The following LRRC4C variants were observed in gnomAD, a reference collection of about 807,000 sequenced individuals.
LRRC4C encodes leucine rich repeat containing 4C.
A neutral mutation model predicts 33.6 loss-of-function variants in LRRC4C; 5 were observed. That is an observed-to-expected ratio of 0.15 (90% CI 0.08 to 0.31). LRRC4C has a LOEUF of 0.31. LRRC4C is among the 10% of genes least tolerant of loss of function. The probability of loss-of-function intolerance (pLI) is 1.00; values close to 1 mark genes in which losing one functional copy is unlikely to be tolerated. For synonymous variants in LRRC4C, 329 were observed against 302.0 expected (o/e 1.09, Z -0.93); for missense variants, 560 against 796.7 (o/e 0.70, Z 3.58).
At chr11:41,002,022 G>A (rs990294254) in intron 1 of LRRC4C, among the ~76,000 whole-genome samples, 29 of 152,192 alleles carry the variant, frequency 1.9e-4, no homozygotes, top group African/African-American at 6.5e-4. Context: ...CTTTATTTTA[G>A]TTTTTCCATA....
intron 5 of LRRC4C, among the ~76,000 whole-genome samples, chr11:40,157,380 A>C (rs999305638): frequency 1.6e-4 from 25 of 152,174 alleles, no homozygotes; most frequent in African/African-American, 6.0e-4. Context: ...AACCCCCCAA[A>C]AATGCAATAA....
At position 40,115,201 on chromosome 11, in the gene LRRC4C, A is replaced by G. The variant is rs369272930; in HGVS notation, c.1092T>C (p.Asn364=). The change falls in exon 7 of 7, where the codon AAT becomes AAC. Residue 364 remains asparagine (N), a synonymous_variant. Coordinates refer to ENST00000528697, the MANE Select transcript of LRRC4C (RefSeq NM_001258419.2). This position sits in a 1 kb window ranked among gnomAD's most constrained non-coding sequence, Gnocchi z 6.7. ...GCTCAGCTGCCATGCCTTCAGTGAC[A>G]TTGAGGTCTGCAGGGGGCTCCACAA... ...PVIVEPPADL[N]VTEGMAAELK... 6 of 1,614,056 alleles carry G rather than the reference A, an allele frequency of 3.7e-6. No individual in the cohort carries two copies. Among genetic ancestry groups the G allele is most frequent in the Admixed American group, 3.3e-5 (2 of 60,002 alleles).
At chr11:40,772,942 A>T (rs558043960) in intron 2 of LRRC4C, among the ~76,000 whole-genome samples, 11 of 152,352 alleles carry the variant, frequency 7.2e-5, no homozygotes, top group African/African-American at 2.6e-4. Context: ...AAGATTTGGA[A>T]GCAACCTAAG....
At chr11:40,450,902 TC>T (rs1425767868) in intron 3 of LRRC4C, among the ~76,000 whole-genome samples, 2 of 151,780 alleles carry the variant, frequency 1.3e-5, no homozygotes, top group Non-Finnish European at 2.9e-5. Context: ...ACAATACACT[TC>T]TACGGAACTA....
At chr11:41,126,012 T>C (rs1050417637) in intron 1 of LRRC4C, among the ~76,000 whole-genome samples, 3 of 151,764 alleles carry the variant, frequency 2.0e-5, no homozygotes, top group East Asian at 1.9e-4. Context: ...CAATTGAAAG[T>C]AGAAAGTAGA....
chr11:40,777,412 G>A (rs958074063), intron 2 of LRRC4C, among the ~76,000 whole-genome samples: 1 of 151,362 alleles, frequency 6.6e-6, no homozygotes, highest in Non-Finnish European at 1.5e-5. Flanking sequence ...TCTAATTTGG[G>A]GTGTGTATAT....
At chr11:40,916,861 A>C (rs2136322844) in intron 2 of LRRC4C, among the ~76,000 whole-genome samples, 1 of 152,198 alleles carries the variant, frequency 6.6e-6, no homozygotes, top group Admixed American at 6.6e-5. Context: ...TTGTTTTAAA[A>C]AGAACATGAA....
At chr11:40,574,251 G>A (rs952041507) in intron 3 of LRRC4C, among the ~76,000 whole-genome samples, 2 of 152,104 alleles carry the variant, frequency 1.3e-5, no homozygotes, top group Admixed American at 1.3e-4. Flanking sequence ...CCAGACAGCA[G>A]ACCAAACCTT....
chr11:40,786,314 A>G (rs1950409087), intron 2 of LRRC4C, among the ~76,000 whole-genome samples: 1 of 152,184 alleles, frequency 6.6e-6, no homozygotes, highest in African/African-American at 2.4e-5. Context: ...GTTAGTGAAT[A>G]TGACTTGAGC....
chr11:40,665,751 C>T (rs891864028), intron 2 of LRRC4C, among the ~76,000 whole-genome samples: 4 of 152,030 alleles, frequency 2.6e-5, no homozygotes, highest in Admixed American at 6.6e-5. Flanking sequence ...TTCCTATAAC[C>T]GTTCTGCTAT....
chr11:41,047,121 A>G (rs1176499369), intron 1 of LRRC4C, among the ~76,000 whole-genome samples: 2 of 152,138 alleles, frequency 1.3e-5, no homozygotes, highest in African/African-American at 4.8e-5. Flanking sequence ...TATCTCTAAT[A>G]AGGATCTTGA....
intron 4 of LRRC4C, among the ~76,000 whole-genome samples, chr11:40,296,989 C>T (rs1944547217): frequency 6.6e-6 from 1 of 152,116 alleles, no homozygotes; most frequent in Admixed American, 6.5e-5. Context: ...TACTTTTGTT[C>T]TTCTCTGATT....
chr11:40,605,537 C>T (rs1024974397), intron 3 of LRRC4C, among the ~76,000 whole-genome samples: 1 of 152,138 alleles, frequency 6.6e-6, no homozygotes, highest in Non-Finnish European at 1.5e-5. Context: ...TGCACTTGTT[C>T]ACCACAGTCC....
intron 1 of LRRC4C, among the ~76,000 whole-genome samples, chr11:40,979,871 G>A (rs1007536078): frequency 1.1e-4 from 17 of 152,072 alleles, no homozygotes; most frequent in Admixed American, 1.0e-3. Flanking sequence ...TTTTCTTGAT[G>A]TGAATCTTAT....
chr11:40,423,245 A>G (rs1950585019), intron 3 of LRRC4C, among the ~76,000 whole-genome samples: 1 of 152,048 alleles, frequency 6.6e-6, no homozygotes, highest in South Asian at 2.1e-4. Flanking sequence ...GTCTGTAGTC[A>G]TTACACTGCG....
intron 6 of LRRC4C, among the ~76,000 whole-genome samples, chr11:40,124,664 T>C (rs1464499732): frequency 6.6e-6 from 1 of 152,048 alleles, no homozygotes; most frequent in Non-Finnish European, 1.5e-5. Flanking sequence ...CTGGGAAGCA[T>C]AGTTGGATGT....
intron 2 of LRRC4C, among the ~76,000 whole-genome samples, chr11:40,828,419 CA>C (rs1237665631): frequency 6.6e-6 from 1 of 151,710 alleles, no homozygotes; most frequent in Admixed American, 6.6e-5. Flanking sequence ...TTTCAGTCTT[CA>C]GACTAATGGA....
chr11:40,541,003 G>A (rs1190613109), intron 3 of LRRC4C, among the ~76,000 whole-genome samples: 1 of 151,884 alleles, frequency 6.6e-6, no homozygotes, highest in Non-Finnish European at 1.5e-5. Flanking sequence ...GCACCTATAG[G>A]GAAATCAAAC....
chr11:40,335,161 A>AT (rs1287089877), intron 3 of LRRC4C, among the ~76,000 whole-genome samples: 1 of 152,116 alleles, frequency 6.6e-6, no homozygotes, highest in Non-Finnish European at 1.5e-5. Flanking sequence ...CCTGTGTTAC[A>AT]TTTTTTTAGG....
Sources: allele counts gnomAD v4.1 joint callset (sites outside exome capture counted in the v4.1 genomes callset), GRCh38; gene constraint gnomAD v4.1.1; non-coding constraint Gnocchi (gnomAD v3.1); transcripts MANE v1.5; gene names NCBI Gene and HGNC (gene_info 2026-07-23, HGNC 2026-07-21).